Variants in TMPRSS7 observed in about 807,000 individuals in gnomAD.
TMPRSS7 encodes the protein transmembrane protease serine 7.
A neutral mutation model predicts 95.6 loss-of-function variants in TMPRSS7; 81 were observed. The observed-to-expected ratio is 0.85, with a 90% CI of 0.71 to 1.02. TMPRSS7 has a LOEUF of 1.02. TMPRSS7 is among the 50% of genes least tolerant of loss of function. TMPRSS7 has a pLI of 0.00. For missense variants in TMPRSS7, 945 were observed against 955.2 expected, an observed-to-expected ratio of 0.99 and a Z score of 0.14; for synonymous variants, 364 against 337.8, an observed-to-expected ratio of 1.08 and a Z score of -0.85.
chr3:112,069,778 C>G (rs1043191829), intron 13 of TMPRSS7, among the ~76,000 whole-genome samples: 7 of 151,918 alleles, frequency 4.6e-5, no homozygotes, highest in African/African-American at 1.7e-4. Flanking sequence ...AAAACCAGCT[C>G]TCAGATTCAT....
intron 2 of TMPRSS7, chr3:112,039,697 G>T (rs2073185231): frequency 6.6e-6 from 1 of 152,176 alleles, no homozygotes; most frequent in Non-Finnish European, 1.5e-5. Context: ...CCTCGCTGTA[G>T]GTACTTCTTC....
chr3:112,058,902 T>C (rs1394289103), intron 10 of TMPRSS7, among the ~76,000 whole-genome samples: 6 of 152,234 alleles, frequency 3.9e-5, no homozygotes, highest in Admixed American at 1.3e-4. Context: ...TCAGATTCAT[T>C]TGATGCTTCT....
chr3:112,038,179 A>G lies in TMPRSS7; in HGVS notation c.156A>G (p.Gln52=), dbSNP rs529086574. 4.3e-6 allele frequency: 3 copies of G among 702,734 alleles called. No homozygotes were observed. In the African/African-American group the frequency reaches 5.2e-5, roughly 12 times the overall value. The allele number at this position is 702,734 out of a possible 1,614,324, so 43.5% of individuals were successfully genotyped here. A position where few individuals can be genotyped will look rare whatever the true frequency, so the allele number is the denominator to read the frequency against. ...CATTGCCAGGAAGACGACCACCACA[A>G]AGACCCATTGGCAAAGCCAAACCCA... Residue 52 remains glutamine (Q), a synonymous_variant, in exon 2 of 18, where the codon CAA becomes CAG. Coordinates refer to ENST00000452346, the Ensembl canonical transcript of TMPRSS7.
intron 13 of TMPRSS7, among the ~76,000 whole-genome samples, chr3:112,071,391 T>C (rs575274625): frequency 2.0e-4 from 31 of 152,346 alleles, no homozygotes; most frequent in African/African-American, 7.2e-4. Context: ...TTTTCCTTCA[T>C]TTCAACCTTG....
At chr3:112,046,996 G>C (rs757170456) in exon 6 of TMPRSS7, 1 of 702,560 alleles carries the variant, frequency 1.4e-6, no homozygotes. Context: ...CGGATTACTC[G>C]TCAACCATAG....
rs770044541 is a variant in TMPRSS7, at chr3:112,063,605, T to C, written c.1528T>C (p.Phe510Leu). 14 of 1,614,114 alleles carry C rather than the reference T, an allele frequency of 8.7e-6. No individual in the cohort carries two copies. The South Asian group carries it at 1.3e-4, about 15-fold the overall frequency. Residue 510 changes from phenylalanine (F) to leucine (L), a missense_variant, in exon 12 of 18, where the codon TTT (phenylalanine) becomes CTT (leucine). Transcript: ENST00000452346. ...GCGTTGTGATGGAGTAAATGACTGC[T>C]TTGATGAAAGTGATGAACTGTTTTG...
At chr3:112,050,715 G>A (rs1362985500) in exon 9 of TMPRSS7, 1 of 1,604,866 alleles carries the variant, frequency 6.2e-7, no homozygotes, top group South Asian at 1.1e-5. Flanking sequence ...TGGCTTTGAA[G>A]GGAAAATTTC....
intron 17 of TMPRSS7, among the ~76,000 whole-genome samples, chr3:112,080,379 T>C (rs1473170926): frequency 6.6e-6 from 1 of 152,182 alleles, no homozygotes; most frequent in Non-Finnish European, 1.5e-5. Context: ...TTCTTCTCCA[T>C]GGGGCTATGA....
intron 10 of TMPRSS7, 151 bp from the exon 11 acceptor site, chr3:112,061,636 T>A: frequency 1.4e-6 from 1 of 735,096 alleles, no homozygotes; most frequent in Non-Finnish European, 2.1e-6. Flanking sequence ...CACAGTCACA[T>A]GGCCTAGAAT....
chr3:112,050,138 A>G (rs1404737126), intron 8 of TMPRSS7, among the ~76,000 whole-genome samples, 164 bp downstream of exon 8: 1 of 152,230 alleles, frequency 6.6e-6, no homozygotes, highest in Non-Finnish European at 1.5e-5. Flanking sequence ...TTTAGACAGA[A>G]TGAATTCTGT....
intron 13 of TMPRSS7, among the ~76,000 whole-genome samples, chr3:112,069,477 C>A (rs1241541849): frequency 1.3e-5 from 2 of 152,112 alleles, no homozygotes; most frequent in African/African-American, 4.8e-5. Context: ...GGTTGGTAGG[C>A]TATTAAGTAT....
Position 112,042,948 on chromosome 3 carries a change from TG to T in TMPRSS7, c.429+899del, listed in dbSNP as rs1321431553. ...GTACTGGAGAGGGTTGTCATAGTGA[TG>T]AACTTGACACAATGACTGGCTGTGT... is the stretch of plus-strand genomic sequence containing the variant. On this transcript the variant is annotated intron_variant, in intron 3 of 17. Coordinates refer to ENST00000452346, the Ensembl canonical transcript of TMPRSS7. The T allele has an allele frequency of 2.0e-5, 9 of 453,332 alleles. 1 individual carries two copies. The highest frequency in any genetic ancestry group is 6.5e-4 in the Middle Eastern group (2 of 3,082). The allele number at this position is 453,332 out of a possible 1,614,324, so 28.1% of individuals were successfully genotyped here.
chr3:112,076,994 G>T, exon 16 of TMPRSS7: 2 of 1,614,176 alleles, frequency 1.2e-6, no homozygotes, highest in Non-Finnish European at 1.7e-6. Flanking sequence ...TCAGACTTTT[G>T]ATTATGATAT....
chr3:112,035,130 A>G (rs905471571), intron 1 of TMPRSS7, among the ~76,000 whole-genome samples: 1 of 152,214 alleles, frequency 6.6e-6, no homozygotes, highest in Admixed American at 6.5e-5. Flanking sequence ...CTCTACACAA[A>G]TTCCATTTTA....
chr3:112,037,476 G>A (rs1290618925), intron 1 of TMPRSS7, among the ~76,000 whole-genome samples: 1 of 152,196 alleles, frequency 6.6e-6, no homozygotes, highest in Non-Finnish European at 1.5e-5. Flanking sequence ...GTTTATCAAT[G>A]ACAATGTGTG....
At chr3:112,062,062 A>T in intron 11 of TMPRSS7, 139 bp downstream of exon 11, 1 of 380,846 alleles carries the variant, frequency 2.6e-6, no homozygotes, top group Non-Finnish European at 4.1e-6. Context: ...TTTCTATAAT[A>T]AATAATAATT....
At chr3:112,041,505 G>A (rs2073208414) in intron 2 of TMPRSS7, among the ~76,000 whole-genome samples, 1 of 151,690 alleles carries the variant, frequency 6.6e-6, no homozygotes, top group African/African-American at 2.4e-5. Context: ...TCCCTCAAAT[G>A]TTTATTGAGC....
chr3:112,035,275 G>A (rs772139643), intron 1 of TMPRSS7, among the ~76,000 whole-genome samples: 1 of 152,192 alleles, frequency 6.6e-6, no homozygotes, highest in Non-Finnish European at 1.5e-5. Flanking sequence ...GCACTTGAAA[G>A]TAGCTTGATA....
chr3:112,047,356 T>A, intron 6 of TMPRSS7: 1 of 582,730 alleles, frequency 1.7e-6, no homozygotes, highest in South Asian at 1.5e-5. Context: ...ATTTATCATT[T>A]TCTAAACCAT....
Sources: gnomAD v4.1 joint callset for allele counts (sites outside exome capture counted in the v4.1 genomes callset) on GRCh38, gnomAD v4.1.1 for gene constraint, MANE v1.5 for transcripts, NCBI Gene and HGNC (gene_info 2026-07-23, HGNC 2026-07-21) for gene names.